The following TMEFF2 variants were observed in gnomAD, a reference collection of about 807,000 sequenced individuals.
The protein encoded by TMEFF2 is tomoregulin-2.
TMEFF2 carries 28 observed loss-of-function variants against 53.8 expected under a neutral mutation model. The observed-to-expected ratio is 0.52, with a 90% CI of 0.39 to 0.71. The LOEUF (loss-of-function observed/expected upper bound fraction) is 0.71. Among genes scored for constraint, TMEFF2 ranks in the 30% least tolerant of loss-of-function variants. The pLI is 0.00. For synonymous variants in TMEFF2, 162 were observed against 166.3 expected (o/e 0.97, Z 0.20); for missense variants, 353 against 455.2 (o/e 0.78, Z 2.04).
intron 5 of TMEFF2, among the ~76,000 whole-genome samples, chr2:192,034,351 A>G (rs1158704843): frequency 1.3e-5 from 2 of 152,110 alleles, no homozygotes; most frequent in East Asian, 3.9e-4. Flanking sequence ...AGGTTATGAG[A>G]AGTAGTCAAA....
At chr2:192,001,692 A>G (rs983201689) in intron 5 of TMEFF2, among the ~76,000 whole-genome samples, 1 of 152,088 alleles carries the variant, frequency 6.6e-6, no homozygotes, top group Non-Finnish European at 1.5e-5. Flanking sequence ...GTCTCATGAG[A>G]TCTGATGGTT....
chr2:192,145,589 T>C (rs1690231260), intron 4 of TMEFF2, among the ~76,000 whole-genome samples: 1 of 151,958 alleles, frequency 6.6e-6, no homozygotes, highest in Admixed American at 6.6e-5. Context: ...TAAATAATCT[T>C]TTGGGGATGG....
chr2:191,967,848 C>A (rs1213636151), intron 7 of TMEFF2, among the ~76,000 whole-genome samples: 1 of 152,146 alleles, frequency 6.6e-6, no homozygotes, highest in Non-Finnish European at 1.5e-5. Context: ...CCCGCATCCA[C>A]TCTTGGATGT....
intron 7 of TMEFF2, among the ~76,000 whole-genome samples, chr2:191,977,787 T>C (rs1685767857): frequency 6.6e-6 from 1 of 152,230 alleles, no homozygotes; most frequent in Admixed American, 6.5e-5. Flanking sequence ...TGTGATCTAT[T>C]CTGATGGAAA....
At chr2:192,000,139 C>T (rs1358665886) in intron 5 of TMEFF2, among the ~76,000 whole-genome samples, 3 of 151,906 alleles carry the variant, frequency 2.0e-5, no homozygotes, top group Non-Finnish European at 4.4e-5. Context: ...TGTGTGTTTT[C>T]TGGTGTATGT....
At chr2:191,975,265 CTTTTT>C (rs57057771) in intron 7 of TMEFF2, among the ~76,000 whole-genome samples, 2 of 88,368 alleles carry the variant, frequency 2.3e-5, no homozygotes, top group Non-Finnish European at 5.1e-5. Flanking sequence ...TCTTTTTCTT[CTTTTT>C]TTTTTTTTTT....
chr2:192,186,536 G>A (rs117921435), intron 2 of TMEFF2, among the ~76,000 whole-genome samples: 1,559 of 152,238 alleles, frequency 0.01, 15 homozygotes, highest in Middle Eastern at 0.051. Flanking sequence ...GTCTGAGCAC[G>A]TGGAGGAGAG....
At chr2:192,120,893 G>A (rs2105965933) in intron 4 of TMEFF2, among the ~76,000 whole-genome samples, 1 of 152,052 alleles carries the variant, frequency 6.6e-6, no homozygotes, top group African/African-American at 2.4e-5. Context: ...GCGTCACCAT[G>A]CCCAGCTAAT....
chr2:192,164,010 G>T (rs1159280309), intron 4 of TMEFF2, among the ~76,000 whole-genome samples: 1 of 152,086 alleles, frequency 6.6e-6, no homozygotes, highest in Non-Finnish European at 1.5e-5. Context: ...GATCCTCTTT[G>T]CCTGCTCCAC....
Position 192,133,117 on chromosome 2 carries a change from A to G in TMEFF2, c.439+46551T>C, listed in dbSNP as rs199984662. Among the ~76,000 whole-genome samples, 532 of 151,336 alleles carry G rather than the reference A, an allele frequency of 3.5e-3. 2 individuals are homozygous for G. The highest frequency in any genetic ancestry group is 0.011 in the African/African-American group (458 of 41,370). The stretch of plus-strand genomic sequence containing the variant: ...CTCCCCAACTCTGGTACCAACTTAG[A>G]CAATACTCTTTTAAGCACTCCTTTT... On this transcript the variant is annotated intron_variant, in intron 4 of 9. Coordinates refer to ENST00000272771, the MANE Select transcript of TMEFF2 (RefSeq NM_016192.4).
At chr2:192,188,773 C>T (rs919776217) in intron 2 of TMEFF2, among the ~76,000 whole-genome samples, 6 of 151,844 alleles carry the variant, frequency 4.0e-5, no homozygotes, top group Non-Finnish European at 7.4e-5. Context: ...GCATGCATCT[C>T]CCTTCCTTTT....
At chr2:192,142,940 T>C (rs1055993143) in intron 4 of TMEFF2, among the ~76,000 whole-genome samples, 4 of 152,210 alleles carry the variant, frequency 2.6e-5, no homozygotes, top group Middle Eastern at 3.2e-3. Context: ...TGACAGTAGT[T>C]CTTTTGTGTT....
chr2:192,146,382 A>C (rs1193537298), intron 4 of TMEFF2, among the ~76,000 whole-genome samples: 1 of 152,058 alleles, frequency 6.6e-6, no homozygotes, highest in African/African-American at 2.4e-5. Flanking sequence ...GGAGGAAGAG[A>C]TCTGAGACTA....
At chr2:192,189,170 T>G (rs893305273) in intron 2 of TMEFF2, among the ~76,000 whole-genome samples, 5 of 152,138 alleles carry the variant, frequency 3.3e-5, no homozygotes, top group African/African-American at 9.7e-5. Context: ...AGTGTTCCAG[T>G]GATAAGGCAA....
At chr2:192,075,332 T>TATATATATATATATACACAC (rs796267672) in intron 4 of TMEFF2, among the ~76,000 whole-genome samples, 6 of 88,142 alleles carry the variant, frequency 6.8e-5, no homozygotes, top group Admixed American at 1.4e-4. Flanking sequence ...TATATATATA[T>TATATATATATATATACACAC]ACATACATAC....
intron 5 of TMEFF2, among the ~76,000 whole-genome samples, chr2:192,000,383 C>T (rs774530279): frequency 2.0e-5 from 3 of 152,114 alleles, no homozygotes; most frequent in Non-Finnish European, 2.9e-5. Flanking sequence ...AGACCAAAGA[C>T]ATTACATAAG....
chr2:192,132,109 G>GCCAGGCTGCTCCTCA (rs1559139818), intron 4 of TMEFF2, among the ~76,000 whole-genome samples: 2 of 149,934 alleles, frequency 1.3e-5, no homozygotes, highest in Non-Finnish European at 1.5e-5. Context: ...TCCCCTCCTC[G>GCCAGGCTGCTCCTCA]CCAGGCCAAG....
At chr2:192,048,361 A>AACACAC (rs3053696) in intron 5 of TMEFF2, among the ~76,000 whole-genome samples, 10,685 of 143,166 alleles carry the variant, frequency 0.075, 537 homozygotes, top group African/African-American at 0.14. Context: ...ATTCTCATAA[A>AACACAC]ACACACACAC....
intron 7 of TMEFF2, 137 bp downstream of exon 7, chr2:191,998,125 C>G (rs1194981365): frequency 3.1e-6 from 2 of 635,032 alleles, no homozygotes; most frequent in Non-Finnish European, 5.1e-6. Context: ...CTAATGAAAG[C>G]TTGAACTAAG....
Sources: gnomAD v4.1 joint callset for allele counts (sites outside exome capture counted in the v4.1 genomes callset) on GRCh38, gnomAD v4.1.1 for gene constraint, MANE v1.5 for transcripts, NCBI Gene and HGNC (gene_info 2026-07-23, HGNC 2026-07-21) for gene names.